Variants in IDE observed in about 807,000 individuals in gnomAD.
The protein encoded by IDE is insulin-degrading enzyme.
Under a neutral mutation model 133.2 loss-of-function variants are expected in IDE, and 58 were observed. The ratio of observed to expected loss-of-function variants is 0.44; its 90% CI spans 0.35 to 0.54. The LOEUF is 0.54. Ranked by LOEUF, IDE falls within the 20% of genes least tolerant of loss-of-function variation. The pLI is 0.00. For missense variants in IDE, 981 were observed against 1,234.0 expected (o/e 0.79, Z 3.07); for synonymous variants, 396 against 421.3 (o/e 0.94, Z 0.73).
chr10:92,502,461 A>T (rs1413964328), intron 11 of IDE, among the ~76,000 whole-genome samples: 1 of 152,076 alleles, frequency 6.6e-6, no homozygotes, highest in African/African-American at 2.4e-5. Flanking sequence ...CTATATATAG[A>T]TATGCAGTTG....
chr10:92,525,250 C>T (rs1411384148), intron 4 of IDE, among the ~76,000 whole-genome samples: 1 of 152,098 alleles, frequency 6.6e-6, no homozygotes, highest in African/African-American at 2.4e-5. Flanking sequence ...GAGACTGTCT[C>T]AAAACAAAAT....
chr10:92,555,633 A>G (rs778904780), intron 1 of IDE, among the ~76,000 whole-genome samples: 3 of 152,228 alleles, frequency 2.0e-5, no homozygotes, highest in Non-Finnish European at 2.9e-5. Context: ...AAAATACAGT[A>G]TATCTCTTTC....
At position 92,506,491 on chromosome 10, in the gene IDE, T is replaced by A; in HGVS notation, c.1277A>T (p.Asp426Val). The A allele has an allele frequency of 6.3e-7, 1 of 1,591,962 alleles. No individual in the cohort carries two copies. The highest frequency in any genetic ancestry group is 8.6e-7 in the Non-Finnish European group (1 of 1,161,356). ...DLNAVAFRFK[D>V]KERPRGYTSK... ...TGTATAGCCCCGTGGCCTCTCTTTG[T>A]CTTTAAACCTAAAAGCAACAGCATT... The change falls in exon 10 of 25, where the codon GAC (aspartate) becomes GTC (valine). Residue 426 changes from aspartate to valine, a missense_variant. Physicochemically the swap from Asp to Val is radical, Grantham distance 152. Around this residue, in one of 2 missense-constraint regions of IDE, gnomAD observed 660 missense variants for 894.7 expected, o/e 0.74. Transcript: ENST00000265986.
chr10:92,530,499 C>G (rs973260652), intron 4 of IDE, among the ~76,000 whole-genome samples: 15 of 151,724 alleles, frequency 9.9e-5, no homozygotes, highest in Non-Finnish European at 1.8e-4. Context: ...GTTGCCCAGG[C>G]TGGTCTCAAA....
At chr10:92,468,423 A>G (rs1335039028) in intron 19 of IDE, among the ~76,000 whole-genome samples, 2 of 152,236 alleles carry the variant, frequency 1.3e-5, no homozygotes, top group Non-Finnish European at 2.9e-5. Flanking sequence ...TAAATTCAAT[A>G]AAAGTCTTTG....
intron 22 of IDE, among the ~76,000 whole-genome samples, chr10:92,456,827 A>G (rs1199861669): frequency 1.6e-5 from 2 of 128,780 alleles, no homozygotes; most frequent in African/African-American, 5.9e-5. Context: ...CCTGGGTGAC[A>G]GAGCAAGACT....
intron 1 of IDE, among the ~76,000 whole-genome samples, chr10:92,560,808 T>C (rs1384628679): frequency 6.7e-6 from 1 of 149,780 alleles, no homozygotes; most frequent in Admixed American, 6.6e-5. Flanking sequence ...TTGAGAGAAG[T>C]GACTTGTTAC....
chr10:92,478,563 A>G, intron 15 of IDE: 1 of 812,764 alleles, frequency 1.2e-6, no homozygotes, highest in Non-Finnish European at 1.5e-6. Context: ...CTTGTTTAAA[A>G]ATGCGAAGTT....
chr10:92,459,130 T>C (rs1235704566), intron 22 of IDE, among the ~76,000 whole-genome samples: 1 of 152,202 alleles, frequency 6.6e-6, no homozygotes, highest in Non-Finnish European at 1.5e-5. Flanking sequence ...TAAGGTGATA[T>C]CAGCTATATT....
At chr10:92,461,057 T>C (rs1845358836) in intron 22 of IDE, 134 bp downstream of exon 22, 2 of 533,632 alleles carry the variant, frequency 3.7e-6, no homozygotes, top group Non-Finnish European at 7.0e-6. Flanking sequence ...GCCAGGCTGG[T>C]CTTTAACTCC....
chr10:92,454,557 T>C lies in IDE; in HGVS notation c.2965-18A>G. 1 of 1,591,394 alleles carries C rather than the reference T, an allele frequency of 6.3e-7. No individual in the cohort carries two copies. On this transcript the variant is annotated intron_variant, in intron 24 of 24. Transcript: ENST00000265986. ...ACTTCAGGCTGCAAAGAAAAAAGTTTCCTTTTAGTGTATTTAACCTAAACA... is the reference window on the plus strand; with the variant it reads ...ACTTCAGGCTGCAAAGAAAAAAGTTCCCTTTTAGTGTATTTAACCTAAACA...
intron 4 of IDE, among the ~76,000 whole-genome samples, chr10:92,527,641 T>C (rs1002198494): frequency 6.6e-6 from 1 of 152,238 alleles, no homozygotes; most frequent in African/African-American, 2.4e-5. Flanking sequence ...TCATTGGATT[T>C]ATTTCTGAAT....
At chr10:92,477,605 T>C (rs1846345453) in intron 15 of IDE, among the ~76,000 whole-genome samples, 1 of 152,212 alleles carries the variant, frequency 6.6e-6, no homozygotes, top group Non-Finnish European at 1.5e-5. Context: ...CTCTACGCTG[T>C]ACAGGATGAT....
At position 92,454,407 on chromosome 10, in the gene IDE, A is replaced by T. The variant is rs764397617; in HGVS notation, c.*37T>A. On this transcript the variant is annotated 3_prime_UTR_variant, in exon 25 of 25. Coordinates refer to ENST00000265986, the MANE Select transcript of IDE (RefSeq NM_004969.4). Reference sequence around the variant, plus strand: ...TTCTTAGGCTCTGGAAGACTCAGGAATGCATCCACTTGCACTTTCCCATGC... The same window carrying T: ...TTCTTAGGCTCTGGAAGACTCAGGATTGCATCCACTTGCACTTTCCCATGC... The T allele has an allele frequency of 3.0e-6, 4 of 1,335,640 alleles. No homozygotes were observed. The South Asian group carries it at 4.7e-5, about 16-fold the overall frequency. The allele number at this position is 1,335,640 out of a possible 1,614,324, so 82.7% of individuals were successfully genotyped here.
intron 11 of IDE, among the ~76,000 whole-genome samples, chr10:92,498,964 A>G (rs1847868571): frequency 6.6e-6 from 1 of 152,132 alleles, no homozygotes; most frequent in African/African-American, 2.4e-5. Flanking sequence ...ATTTAGGCTG[A>G]TTTTTCCCCC....
At chr10:92,566,825 A>G (rs1843577417) in intron 1 of IDE, among the ~76,000 whole-genome samples, 2 of 152,216 alleles carry the variant, frequency 1.3e-5, no homozygotes, top group South Asian at 4.1e-4. Flanking sequence ...ATAACATACA[A>G]TAAGCATTCA....
intron 11 of IDE, among the ~76,000 whole-genome samples, chr10:92,493,941 G>A (rs1289069897): frequency 6.6e-6 from 1 of 152,150 alleles, no homozygotes; most frequent in Non-Finnish European, 1.5e-5. Context: ...GTACAGGGAA[G>A]AGCACTTGAA....
At chr10:92,462,546 C>A (rs1425254416) in intron 21 of IDE, among the ~76,000 whole-genome samples, 1 of 151,836 alleles carries the variant, frequency 6.6e-6, no homozygotes, top group Non-Finnish European at 1.5e-5. Flanking sequence ...GTGGAGGTTG[C>A]GGTGAGCCGG....
At chr10:92,532,267 CAAAAA>C (rs59732643) in intron 3 of IDE, among the ~76,000 whole-genome samples, 1 of 104,880 alleles carries the variant, frequency 9.5e-6, no homozygotes, top group Admixed American at 1.0e-4. Flanking sequence ...GCTAATGCTC[CAAAAA>C]AAAAAAAAAA....
Sources: gnomAD v4.1 joint callset for allele counts (sites outside exome capture counted in the v4.1 genomes callset) on GRCh38, gnomAD v4.1.1 for gene constraint, gnomAD v4.1.1 regional missense constraint, MANE v1.5 for transcripts, NCBI Gene and HGNC (gene_info 2026-07-23, HGNC 2026-07-21) for gene names.